TMEM132D: variants seen among roughly 807,000 people sequenced by gnomAD.
TMEM132D encodes transmembrane protein 132D.
Under a neutral mutation model 62.3 loss-of-function variants are expected in TMEM132D, and 21 were observed. That is an observed-to-expected ratio of 0.34 (90% CI 0.24 to 0.49). TMEM132D has a LOEUF of 0.49. TMEM132D is among the 20% of genes least tolerant of loss of function. The pLI, the probability that TMEM132D is intolerant of heterozygous loss-of-function variation, is 0.99. For synonymous variants in TMEM132D, 621 were observed against 575.6 expected, an observed-to-expected ratio of 1.08 and a Z score of -1.13; for missense variants, 1,346 against 1,402.8, an observed-to-expected ratio of 0.96 and a Z score of 0.65.
chr12:129,199,871 G>A (rs1362973974), intron 5 of TMEM132D, among the ~76,000 whole-genome samples: 1 of 152,152 alleles, frequency 6.6e-6, no homozygotes, highest in African/African-American at 2.4e-5. Context: ...CATGACACAT[G>A]GGGATTATGG....
intron 5 of TMEM132D, among the ~76,000 whole-genome samples, chr12:129,147,612 G>A (rs550913881): frequency 1.3e-5 from 2 of 152,120 alleles, no homozygotes; most frequent in Admixed American, 6.5e-5. Context: ...CTTGGATTGG[G>A]TGCTGTGTTA....
chr12:129,279,092 C>T (rs564283249), intron 4 of TMEM132D, among the ~76,000 whole-genome samples: 58 of 152,090 alleles, frequency 3.8e-4, no homozygotes, highest in African/African-American at 1.2e-3. Context: ...AATTTAGCCA[C>T]GAAATTTAAT....
chr12:129,355,970 G>A (rs1463843034), intron 3 of TMEM132D, among the ~76,000 whole-genome samples: 2 of 152,036 alleles, frequency 1.3e-5, no homozygotes, highest in Non-Finnish European at 2.9e-5. Flanking sequence ...CACCCCCGAC[G>A]GGATCAGGGT....
At chr12:129,290,001 T>G (rs537004317) in intron 4 of TMEM132D, among the ~76,000 whole-genome samples, 1 of 152,194 alleles carries the variant, frequency 6.6e-6, no homozygotes, top group African/African-American at 2.4e-5. Flanking sequence ...CTGTTGGAAT[T>G]TGAATGGGTC....
chr12:129,553,704 C>T (rs971704115), intron 2 of TMEM132D, among the ~76,000 whole-genome samples: 6 of 152,200 alleles, frequency 3.9e-5, no homozygotes, highest in African/African-American at 1.4e-4. Context: ...ACCACAAGCA[C>T]TCATCTTCCT....
chr12:129,079,837 AAAG>A (rs1376014742), intron 7 of TMEM132D, among the ~76,000 whole-genome samples: 2 of 152,174 alleles, frequency 1.3e-5, no homozygotes, highest in Non-Finnish European at 1.5e-5. Flanking sequence ...CAGTGAGAAA[AAAG>A]AGAAAAGAAC....
At chr12:129,662,812 A>AAGAGAGAGAG (rs11465137) in intron 2 of TMEM132D, among the ~76,000 whole-genome samples, 4 of 83,416 alleles carry the variant, frequency 4.8e-5, no homozygotes, top group South Asian at 4.7e-4. Context: ...AAAAAAAAAA[A>AAGAGAGAGAG]AGAGAGAGAG....
chr12:129,592,642 A>G (rs1593079763), intron 2 of TMEM132D, among the ~76,000 whole-genome samples: 1 of 152,214 alleles, frequency 6.6e-6, no homozygotes, highest in South Asian at 2.1e-4. Flanking sequence ...AATTATTTGT[A>G]CATATTCAAA....
At chr12:129,594,062 G>A (rs867350977) in intron 2 of TMEM132D, among the ~76,000 whole-genome samples, 8 of 152,150 alleles carry the variant, frequency 5.3e-5, no homozygotes, top group African/African-American at 7.2e-5. Context: ...TCTGGCTTCC[G>A]TGGTTCCTGT....
intron 3 of TMEM132D, among the ~76,000 whole-genome samples, chr12:129,433,424 T>TAAA (rs1258722356): frequency 1.3e-5 from 2 of 152,226 alleles, no homozygotes; most frequent in Non-Finnish European, 2.9e-5. Context: ...TTGGTAATAT[T>TAAA]TGATATAAAA....
At chr12:129,805,737 C>A (rs1871958618) in intron 1 of TMEM132D, among the ~76,000 whole-genome samples, 1 of 150,546 alleles carries the variant, frequency 6.6e-6, no homozygotes, top group Non-Finnish European at 1.5e-5. Flanking sequence ...AAAGAAACTA[C>A]CATCAGAGTG....
intron 4 of TMEM132D, among the ~76,000 whole-genome samples, chr12:129,217,951 C>A (rs1178348590): frequency 6.6e-6 from 1 of 152,106 alleles, no homozygotes; most frequent in Non-Finnish European, 1.5e-5. Flanking sequence ...TTGGTGGGGG[C>A]ACAATAACGC....
chr12:129,152,568 C>T (rs1877105188), intron 5 of TMEM132D, among the ~76,000 whole-genome samples: 2 of 152,144 alleles, frequency 1.3e-5, no homozygotes, highest in Non-Finnish European at 2.9e-5. Flanking sequence ...GGGCTGAGGG[C>T]CATTTCCATA....
At chr12:129,315,687 C>T (rs181962073) in intron 4 of TMEM132D, among the ~76,000 whole-genome samples, 15 of 152,280 alleles carry the variant, frequency 9.9e-5, no homozygotes, top group Non-Finnish European at 1.8e-4. Flanking sequence ...TTCCCTCTTT[C>T]TCTACCTTGT....
intron 5 of TMEM132D, among the ~76,000 whole-genome samples, chr12:129,146,950 G>A (rs200258083): frequency 1.5e-4 from 23 of 152,092 alleles, no homozygotes; most frequent in Non-Finnish European, 4.4e-5. Flanking sequence ...CGGTGAACGC[G>A]TGGGCATTGC....
At chr12:129,185,811 C>CTATCTATCT (rs56931832) in intron 5 of TMEM132D, among the ~76,000 whole-genome samples, 256 of 61,056 alleles carry the variant, frequency 4.2e-3, no homozygotes, top group East Asian at 0.011. Context: ...ATCTATCTAT[C>CTATCTATCT]ATCTATCTAT....
At chr12:129,281,351 G>A (rs1881141056) in intron 4 of TMEM132D, among the ~76,000 whole-genome samples, 2 of 151,498 alleles carry the variant, frequency 1.3e-5, no homozygotes. Flanking sequence ...CACAACTGTG[G>A]CACTTCTATG....
chr12:129,452,066 A>G (rs1336327550), intron 3 of TMEM132D, among the ~76,000 whole-genome samples: 5 of 152,212 alleles, frequency 3.3e-5, no homozygotes, highest in Non-Finnish European at 7.3e-5. Flanking sequence ...TGCTATTTCT[A>G]AGCCTTGGTG....
At chr12:129,664,264 C>G (rs908675950) in intron 2 of TMEM132D, among the ~76,000 whole-genome samples, 1 of 152,122 alleles carries the variant, frequency 6.6e-6, no homozygotes, top group Non-Finnish European at 1.5e-5. Context: ...GCCTCTGGAC[C>G]TTTTGGGCAA....
Sources: allele counts gnomAD v4.1 joint callset (sites outside exome capture counted in the v4.1 genomes callset), GRCh38; gene constraint gnomAD v4.1.1; transcripts MANE v1.5; gene names NCBI Gene and HGNC (gene_info 2026-07-23, HGNC 2026-07-21).